PAX2: variants seen among roughly 807,000 people sequenced by gnomAD.
PAX2 encodes paired box 2.
In PAX2, 9 loss-of-function variants were observed where a neutral mutation model predicts 41.7. The ratio of observed to expected loss-of-function variants is 0.22; its 90% confidence interval spans 0.13 to 0.38. PAX2 has a LOEUF of 0.38. Among genes scored for constraint, PAX2 ranks in the 10% least tolerant of loss-of-function variants. PAX2 has a pLI of 1.00. For missense variants in PAX2, 418 were observed against 531.6 expected (o/e 0.79, Z 2.10); for synonymous variants, 221 against 212.7 (o/e 1.04, Z -0.34).
Position 100,779,601 on chromosome 10 carries a change from A to C in PAX2, c.496+18A>C. 6.5e-7 allele frequency: 1 copy of C among 1,546,408 alleles called. No individual in the cohort carries two copies. Among genetic ancestry groups the C allele is most frequent in the Non-Finnish European group, 8.8e-7 (1 of 1,136,372 alleles). On this transcript the variant is annotated intron_variant, in intron 4 of 9. Coordinates refer to ENST00000355243, the MANE Select transcript of PAX2 (RefSeq NM_000278.5). ...CACCATTGGTAAGAGGGCTCAGGGAAGGGGAGGAAACCAGATCCCACCTAG... is the reference window on the plus strand; with the variant it reads ...CACCATTGGTAAGAGGGCTCAGGGACGGGGAGGAAACCAGATCCCACCTAG...
rs780866099 is a variant in PAX2 at position 100,750,456 on chromosome 10, C to T, written c.213-238C>T. 6.6e-6 allele frequency among the ~76,000 whole-genome samples: 1 copy of T among 152,188 alleles called. No individual in the cohort carries two copies. Among genetic ancestry groups the T allele is most frequent in the Non-Finnish European group, 1.5e-5 (1 of 68,018 alleles). ...CCACGGGTGCCTATTTGGGCTGGTG[C>T]GAACCCAGCCCCTGGTGTGGCCGTC... On this transcript the variant is annotated intron_variant, in intron 2 of 9. Transcript: ENST00000355243. The surrounding 1 kb of genome is among the most constrained non-coding windows in gnomAD (Gnocchi z 4.1).
intron 5 of PAX2, 111 bp downstream of exon 5, chr10:100,781,476 T>C: frequency 8.5e-7 from 1 of 1,174,288 alleles, no homozygotes; most frequent in Admixed American, 1.7e-5. Flanking sequence ...TCAATTTTAG[T>C]AGCAAAGCCC....
Position 100,781,340 on chromosome 10 carries a change from T to C in PAX2, c.591T>C (p.Asn197=), listed in dbSNP as rs758231319. Residue 197 remains asparagine, a synonymous_variant, in exon 5 of 10, where the codon AAT becomes AAC. Coordinates refer to ENST00000355243, the MANE Select transcript of PAX2 (RefSeq NM_000278.5). ...GGATCCTGGGGATTCCTCGCTCCAA[T>C]GGTGAGAAGAGGAAACGTGATGAAG... is the stretch of plus-strand genomic sequence containing the variant. The part of the protein sequence containing the change: ...INGILGIPRS[N]GEKRKRDEDV... The C allele has an allele frequency of 6.2e-6, 10 of 1,613,676 alleles. No homozygotes were observed. Among genetic ancestry groups the C allele is most frequent in the Non-Finnish European group, 8.5e-7 (1 of 1,179,772 alleles).
intron 7 of PAX2, among the ~76,000 whole-genome samples, chr10:100,809,606 T>A (rs1405708764): frequency 6.6e-6 from 1 of 152,200 alleles, no homozygotes; most frequent in Non-Finnish European, 1.5e-5. Flanking sequence ...GAGTGGAGCA[T>A]GGGTACCCAG....
intron 6 of PAX2, 41 bp from the exon 7 acceptor site, chr10:100,809,069 G>T (rs7908832): frequency 6.2e-7 from 1 of 1,602,804 alleles, no homozygotes; most frequent in Non-Finnish European, 8.5e-7. Flanking sequence ...TTCTCTGTGC[G>T]TGCATCAATA....
Position 100,746,055 on chromosome 10 carries a change from T to C in PAX2, c.-206T>C. ...CCCGACAGTGGCAAGTTGCGGCTACTGCAGTTGCAAGCTCCGGCCAACCCG... is the reference window on the plus strand; with the variant it reads ...CCCGACAGTGGCAAGTTGCGGCTACCGCAGTTGCAAGCTCCGGCCAACCCG... On this transcript the variant is annotated 5_prime_UTR_variant, in exon 1 of 10. Transcript: ENST00000355243. 2.0e-6 allele frequency: 3 copies of C among 1,469,852 alleles called. No homozygotes were observed. Among genetic ancestry groups the C allele is most frequent in the East Asian group, 4.8e-5 (2 of 41,634 alleles). 91.1% of individuals were successfully genotyped at this position (1,469,852 alleles called of 1,614,324 possible). A position where few individuals can be genotyped will look rare whatever the true frequency, so the allele number is the denominator to read the frequency against.
rs772553665 is a variant in PAX2, at chr10:100,826,958, G to A, written c.1022-51G>A. 7.6e-7 allele frequency: 1 copy of A among 1,307,948 alleles called. No homozygotes were observed. The highest frequency in any genetic ancestry group is 1.2e-5 in the South Asian group (1 of 84,460). 81.0% of individuals were successfully genotyped at this position (1,307,948 alleles called of 1,614,324 possible). A position where few individuals can be genotyped will look rare whatever the true frequency, so the allele number is the denominator to read the frequency against. On this transcript the variant is annotated intron_variant, in intron 8 of 9. Transcript: ENST00000355243. This position sits in a 1 kb window ranked among gnomAD's most constrained non-coding sequence, Gnocchi z 5.5. ...AGAAGCCACCGGCCGGACTCGTGGGGTCCGCCCTGGCTTGCAGGCGTCTGA... is the reference window on the plus strand; with the variant it reads ...AGAAGCCACCGGCCGGACTCGTGGGATCCGCCCTGGCTTGCAGGCGTCTGA...
chr10:100,813,350 G>C (rs745634108), intron 7 of PAX2, among the ~76,000 whole-genome samples: 18 of 152,240 alleles, frequency 1.2e-4, no homozygotes, highest in Non-Finnish European at 2.5e-4. Flanking sequence ...AAACATAACT[G>C]AATAAAATAT....
chr10:100,770,430 T>C (rs1846171453), intron 3 of PAX2, among the ~76,000 whole-genome samples: 1 of 152,250 alleles, frequency 6.6e-6, no homozygotes. Flanking sequence ...TCTGTCACGC[T>C]CTGGGCTTGG....
chr10:100,769,600 A>C (rs1434725748), intron 3 of PAX2, among the ~76,000 whole-genome samples: 1 of 148,574 alleles, frequency 6.7e-6, no homozygotes, highest in African/African-American at 2.5e-5. Flanking sequence ...CAGCCTGGGC[A>C]ACAGTGTGAG....
intron 3 of PAX2, among the ~76,000 whole-genome samples, chr10:100,753,219 A>C (rs1373899049): frequency 1.3e-5 from 2 of 152,192 alleles, no homozygotes; most frequent in African/African-American, 4.8e-5. Context: ...CAGGAAAACT[A>C]TTCCCAATTT....
Position 100,746,017 on chromosome 10 carries a change from C to T in PAX2, c.-244C>T. ...CGCCCCGGGGCCATTCTGCTGACCGCCCAGCCCCGAGCCCCGACAGTGGCA... is the reference window on the plus strand; with the variant it reads ...CGCCCCGGGGCCATTCTGCTGACCGTCCAGCCCCGAGCCCCGACAGTGGCA... On this transcript the variant is annotated 5_prime_UTR_variant, in exon 1 of 10. Transcript: ENST00000355243. 1.4e-6 allele frequency: 2 copies of T among 1,413,050 alleles called. No homozygotes were observed. The highest frequency in any genetic ancestry group is 1.8e-6 in the Non-Finnish European group (2 of 1,090,474). 87.5% of individuals were successfully genotyped at this position (1,413,050 alleles called of 1,614,324 possible). A position where few individuals can be genotyped will look rare whatever the true frequency, so the allele number is the denominator to read the frequency against.
chr10:100,766,989 A>G (rs961277496), intron 3 of PAX2, among the ~76,000 whole-genome samples: 1 of 152,170 alleles, frequency 6.6e-6, no homozygotes, highest in African/African-American at 2.4e-5. Context: ...AATTCCTCCA[A>G]CTCAGTGTTA....
chr10:100,792,006 A>G (rs540723439), intron 5 of PAX2, among the ~76,000 whole-genome samples: 3 of 152,348 alleles, frequency 2.0e-5, no homozygotes, highest in East Asian at 3.9e-4. Context: ...AGGAACCTCT[A>G]GGGACTTGCT....
chr10:100,765,101 AT>A (rs1845973270), intron 3 of PAX2, among the ~76,000 whole-genome samples: 1 of 152,220 alleles, frequency 6.6e-6, no homozygotes, highest in Admixed American at 6.5e-5. Flanking sequence ...CATTGCAGTT[AT>A]TTCCATTGCT....
intron 3 of PAX2, among the ~76,000 whole-genome samples, chr10:100,760,687 G>A (rs1236873650): frequency 2.0e-5 from 3 of 152,190 alleles, no homozygotes; most frequent in Non-Finnish European, 4.4e-5. Flanking sequence ...TTTATCATTT[G>A]CAAAGTGGAT....
chr10:100,748,865 T>G lies in PAX2; in HGVS notation c.44-881T>G. The G allele has an allele frequency of 1.0e-6, 1 of 985,206 alleles. No homozygotes were observed. The highest frequency in any genetic ancestry group is 1.7e-5 in the African/African-American group (1 of 57,180). 61.0% of individuals were successfully genotyped at this position (985,206 alleles called of 1,614,324 possible). ...CTACACAGGGCGCCCCGAGAGTTAT[T>G]AACTCGCCAGCGAGGCCTATGCCGT... is the stretch of plus-strand genomic sequence containing the variant. On this transcript the variant is annotated intron_variant, in intron 1 of 9. Coordinates refer to ENST00000355243, the MANE Select transcript of PAX2 (RefSeq NM_000278.5). The surrounding 1 kb of genome is among the most constrained non-coding windows in gnomAD (Gnocchi z 5.0).
chr10:100,795,588 T>C (rs1847297321), intron 5 of PAX2, among the ~76,000 whole-genome samples: 1 of 152,244 alleles, frequency 6.6e-6, no homozygotes, highest in East Asian at 1.9e-4. Flanking sequence ...ATTAACTGTA[T>C]AATAATTTCA....
chr10:100,794,765 G>A (rs1424912807), intron 5 of PAX2, among the ~76,000 whole-genome samples: 1 of 152,148 alleles, frequency 6.6e-6, no homozygotes, highest in Non-Finnish European at 1.5e-5. Context: ...TCAGACTCAA[G>A]CTCATATTGA....
Sources: allele counts gnomAD v4.1 joint callset (sites outside exome capture counted in the v4.1 genomes callset), GRCh38; gene constraint gnomAD v4.1.1; non-coding constraint Gnocchi (gnomAD v3.1); transcripts MANE v1.5; gene names NCBI Gene and HGNC (gene_info 2026-07-23, HGNC 2026-07-21).